The following ANKRD30B variants were observed in gnomAD, a reference collection of about 807,000 sequenced individuals.
ANKRD30B encodes ankyrin repeat domain-containing protein 30B.
ANKRD30B carries 144 observed loss-of-function variants against 202.2 expected under a neutral mutation model. That is an observed-to-expected ratio of 0.71 (90% CI 0.62 to 0.82). The LOEUF (loss-of-function observed/expected upper bound fraction) is 0.82, where lower values mean the gene tolerates loss of function less well. Ranked by LOEUF, ANKRD30B falls within the 40% of genes least tolerant of loss-of-function variation. The probability of loss-of-function intolerance (pLI) is 0.00; values close to 1 mark genes in which losing one functional copy is unlikely to be tolerated. For synonymous variants in ANKRD30B, 508 were observed against 561.3 expected (o/e 0.91, Z 1.34); for missense variants, 1,487 against 1,669.1 (o/e 0.89, Z 1.90).
chr18:14,838,141 C>A (rs1171803887), intron 36 of ANKRD30B, among the ~76,000 whole-genome samples: 4 of 152,196 alleles, frequency 2.6e-5, no homozygotes, highest in African/African-American at 9.7e-5. Context: ...AATTTTGAAG[C>A]CAGTGTAGAA....
At chr18:14,765,788 T>G (rs1410874164) in intron 7 of ANKRD30B, among the ~76,000 whole-genome samples, 1 of 152,178 alleles carries the variant, frequency 6.6e-6, no homozygotes, top group Non-Finnish European at 1.5e-5. Flanking sequence ...ATCAGTCTAT[T>G]ATGAAAATTT....
At chr18:14,756,672 T>A (rs1053330824) in intron 4 of ANKRD30B, among the ~76,000 whole-genome samples, 1 of 152,228 alleles carries the variant, frequency 6.6e-6, no homozygotes, top group Non-Finnish European at 1.5e-5. Context: ...GGTGGTTGGA[T>A]CACTTGAGGC....
At chr18:14,838,921 T>C (rs1971293520) in intron 36 of ANKRD30B, among the ~76,000 whole-genome samples, 1 of 152,234 alleles carries the variant, frequency 6.6e-6, no homozygotes, top group South Asian at 2.1e-4. Flanking sequence ...GTGGCATATA[T>C]GTGAAAGCAG....
At chr18:14,861,636 AG>A in the ANKRD30B span, among the ~76,000 whole-genome samples, 3 of 150,838 alleles carry the variant, frequency 2.0e-5, no homozygotes, top group African/African-American at 7.3e-5. Context: ...AAATATTACT[AG>A]ACCTAAGAAA....
At chr18:14,762,686 C>T (rs1915439312) in intron 6 of ANKRD30B, among the ~76,000 whole-genome samples, 1 of 152,068 alleles carries the variant, frequency 6.6e-6, no homozygotes, top group Admixed American at 6.5e-5. Context: ...TAGCTTAACT[C>T]TAAACACAAA....
chr18:14,807,924 A>G (rs1969622541), intron 24 of ANKRD30B, among the ~76,000 whole-genome samples: 1 of 151,028 alleles, frequency 6.6e-6, no homozygotes, highest in Non-Finnish European at 1.5e-5. Context: ...CCATAAATGT[A>G]AAAATACTCC....
chr18:14,913,762 G>A, the ANKRD30B span, among the ~76,000 whole-genome samples: 224 of 152,242 alleles, frequency 1.5e-3, no homozygotes, highest in African/African-American at 5.2e-3. Context: ...TTTGTCCAAG[G>A]TCCCTTGGAC....
chr18:14,837,863 A>C (rs565490290), intron 36 of ANKRD30B, among the ~76,000 whole-genome samples, 187 bp downstream of exon 36: 3 of 152,244 alleles, frequency 2.0e-5, no homozygotes. Context: ...AAAATACAAA[A>C]AATTTAGCTG....
chr18:14,887,639 C>A, the ANKRD30B span, among the ~76,000 whole-genome samples: 1 of 151,564 alleles, frequency 6.6e-6, no homozygotes, highest in African/African-American at 2.4e-5. Flanking sequence ...TAGTGTCAGT[C>A]ACAAAGGGGA....
chr18:14,791,046 T>C (rs1325687359), intron 15 of ANKRD30B, among the ~76,000 whole-genome samples: 1 of 152,204 alleles, frequency 6.6e-6, no homozygotes, highest in African/African-American at 2.4e-5. Context: ...TGGTAAGCTA[T>C]TGATTATTGC....
chr18:14,852,609 G>T, intron 42 of ANKRD30B, 189 bp downstream of exon 42: 1 of 689,114 alleles, frequency 1.5e-6, no homozygotes, highest in Non-Finnish European at 2.1e-6. Context: ...TTTGAGTAAA[G>T]GTATTGTGTC....
chr18:14,791,073 G>C (rs1298921101), intron 15 of ANKRD30B, among the ~76,000 whole-genome samples: 2 of 152,164 alleles, frequency 1.3e-5, no homozygotes, highest in East Asian at 3.9e-4. Context: ...TTCAGATCCT[G>C]TTATTCGTCT....
intron 15 of ANKRD30B, among the ~76,000 whole-genome samples, chr18:14,791,152 C>A (rs533312154): frequency 6.6e-6 from 1 of 152,162 alleles, no homozygotes; most frequent in Non-Finnish European, 1.5e-5. Flanking sequence ...TTATCCATTT[C>A]TTCTAGATTT....
At chr18:14,761,802 T>G (rs745678501) in intron 6 of ANKRD30B, among the ~76,000 whole-genome samples, 49 of 152,208 alleles carry the variant, frequency 3.2e-4, no homozygotes, top group Non-Finnish European at 2.6e-4. Flanking sequence ...ATTTTTACAA[T>G]AAATGGTTTG....
chr18:14,927,014 T>G, the ANKRD30B span, among the ~76,000 whole-genome samples: 2 of 152,162 alleles, frequency 1.3e-5, no homozygotes, highest in Non-Finnish European at 2.9e-5. Context: ...GTAGTAGTAG[T>G]TGGTCTAATT....
intron 33 of ANKRD30B, among the ~76,000 whole-genome samples, chr18:14,830,697 G>T (rs181706159): frequency 1.1e-3 from 165 of 152,156 alleles, no homozygotes; most frequent in African/African-American, 3.8e-3. Flanking sequence ...TTCCAGTTTA[G>T]ATATCAAAAG....
chr18:14,817,327 C>A (rs527703478), intron 30 of ANKRD30B, among the ~76,000 whole-genome samples: 2 of 152,236 alleles, frequency 1.3e-5, no homozygotes, highest in African/African-American at 4.8e-5. Context: ...TGCCATGTGA[C>A]CTGTCCTGAC....
chr18:14,936,668 C>G, the ANKRD30B span, among the ~76,000 whole-genome samples: 1 of 152,198 alleles, frequency 6.6e-6, no homozygotes, highest in African/African-American at 2.4e-5. Flanking sequence ...AAGAAACAAC[C>G]TCTCTGTGTG....
intron 1 of ANKRD30B, among the ~76,000 whole-genome samples, chr18:14,749,156 A>G (rs1912996701): frequency 6.6e-6 from 1 of 152,214 alleles, no homozygotes; most frequent in Non-Finnish European, 1.5e-5. Context: ...GAGGGACCTT[A>G]GAAGGAAACT....
Sources: gnomAD v4.1 joint callset for allele counts (sites outside exome capture counted in the v4.1 genomes callset) on GRCh38, gnomAD v4.1.1 for gene constraint, MANE v1.5 for transcripts, NCBI Gene and HGNC (gene_info 2026-07-23, HGNC 2026-07-21) for gene names.